The following GRM5 variants were observed in gnomAD, a reference collection of about 807,000 sequenced individuals.
GRM5 encodes glutamate metabotropic receptor 5, also known as metabotropic glutamate receptor 5.
Under a neutral mutation model 83.1 loss-of-function variants are expected in GRM5, and 19 were observed. That is an observed-to-expected ratio of 0.23 (90% CI 0.16 to 0.34). The LOEUF is 0.34. GRM5 is among the 10% of genes least tolerant of loss of function. The probability of loss-of-function intolerance (pLI) is 1.00; values close to 1 mark genes in which losing one functional copy is unlikely to be tolerated. For missense variants in GRM5, 1,160 were observed against 1,588.3 expected (o/e 0.73, Z 4.58); for synonymous variants, 675 against 633.6 (o/e 1.07, Z -0.98).
At chr11:88,963,656 C>CT (rs985429472) in intron 2 of GRM5, among the ~76,000 whole-genome samples, 1 of 152,136 alleles carries the variant, frequency 6.6e-6, no homozygotes, top group African/African-American at 2.4e-5. Context: ...TTGGCTTTTA[C>CT]TTTTTTTATC....
chr11:88,805,101 AGAC>A lies in GRM5; in HGVS notation c.911+44802_911+44804del, dbSNP rs1407136698. On this transcript the variant is annotated intron_variant, in intron 3 of 9. Transcript: ENST00000305447. ...GCAACCCTAGCAGGCAGTTTGTTAA[AGAC>A]CTGGAGCCAGAGTTTCTGTTGTATC... is the stretch of plus-strand genomic sequence containing the variant. Among the ~76,000 whole-genome samples, 6 of 152,324 alleles carry A rather than the reference AGAC, an allele frequency of 3.9e-5. No homozygotes were observed. In the South Asian group the frequency reaches 1.2e-3, roughly 32 times the overall value.
chr11:88,852,136 T>C (rs1466979107), intron 2 of GRM5, among the ~76,000 whole-genome samples: 1 of 152,192 alleles, frequency 6.6e-6, no homozygotes, highest in Non-Finnish European at 1.5e-5. Context: ...TTTACTTTTA[T>C]TCTCAATACA....
intron 2 of GRM5, among the ~76,000 whole-genome samples, chr11:88,860,441 G>A (rs911298856): frequency 1.3e-5 from 2 of 152,156 alleles, no homozygotes; most frequent in African/African-American, 4.8e-5. Context: ...GGGTGGATCG[G>A]TGAGTTATTT....
At chr11:88,811,000 A>C (rs574966553) in intron 3 of GRM5, among the ~76,000 whole-genome samples, 1 of 152,300 alleles carries the variant, frequency 6.6e-6, no homozygotes, top group African/African-American at 2.4e-5. Flanking sequence ...GAGAAAAAGT[A>C]TAAAGATTCT....
chr11:88,690,434 G>C (rs1037978351), intron 3 of GRM5, among the ~76,000 whole-genome samples: 2 of 151,962 alleles, frequency 1.3e-5, no homozygotes, highest in African/African-American at 2.4e-5. Context: ...CATTAAAATA[G>C]GATATTATGC....
At chr11:88,529,960 G>T (rs183397808) in intron 8 of GRM5, among the ~76,000 whole-genome samples, 10 of 152,094 alleles carry the variant, frequency 6.6e-5, no homozygotes, top group Admixed American at 3.9e-4. Flanking sequence ...TGAGATGCTG[G>T]TGGGACATCC....
chr11:88,552,489 C>A (rs1942530773), intron 8 of GRM5, among the ~76,000 whole-genome samples: 1 of 152,172 alleles, frequency 6.6e-6, no homozygotes, highest in African/African-American at 2.4e-5. Context: ...GTCTCTGCTG[C>A]TTACATTGAG....
intron 3 of GRM5, among the ~76,000 whole-genome samples, chr11:88,701,945 T>C (rs1236929548): frequency 6.6e-6 from 1 of 152,048 alleles, no homozygotes; most frequent in Admixed American, 6.6e-5. Flanking sequence ...AAAAAGAGTG[T>C]CTTTTGTTAG....
chr11:88,599,435 G>A (rs1373785544), intron 5 of GRM5, among the ~76,000 whole-genome samples: 1 of 152,180 alleles, frequency 6.6e-6, no homozygotes, highest in African/African-American at 2.4e-5. Flanking sequence ...AGCTTAAGCT[G>A]TGAAAATAGA....
chr11:88,779,315 T>C (rs991640931), intron 3 of GRM5, among the ~76,000 whole-genome samples: 2 of 152,174 alleles, frequency 1.3e-5, no homozygotes, highest in Admixed American at 1.3e-4. Flanking sequence ...CTTCAATTCT[T>C]CATCTGGCAG....
intron 2 of GRM5, among the ~76,000 whole-genome samples, chr11:89,045,690 G>T (rs1261271159): frequency 1.3e-5 from 2 of 152,104 alleles, no homozygotes; most frequent in Non-Finnish European, 2.9e-5. Context: ...GGGCACAATT[G>T]AATTAGCACT....
At chr11:88,555,765 T>A (rs917013339) in intron 8 of GRM5, among the ~76,000 whole-genome samples, 4 of 152,162 alleles carry the variant, frequency 2.6e-5, no homozygotes, top group African/African-American at 7.2e-5. Context: ...GTTGCTTTTT[T>A]AAATTTTTTG....
At chr11:89,051,852 G>C (rs1400014123) in intron 1 of GRM5, among the ~76,000 whole-genome samples, 1 of 152,180 alleles carries the variant, frequency 6.6e-6, no homozygotes, top group Non-Finnish European at 1.5e-5. Flanking sequence ...ATCTTATAAA[G>C]AAACCTGTAA....
intron 6 of GRM5, among the ~76,000 whole-genome samples, chr11:88,594,927 G>T (rs1937757735): frequency 6.6e-6 from 1 of 152,042 alleles, no homozygotes; most frequent in African/African-American, 2.4e-5. Flanking sequence ...TTTCCTTACG[G>T]CATTGCATAC....
intron 3 of GRM5, among the ~76,000 whole-genome samples, chr11:88,840,312 A>G (rs1429062473): frequency 6.6e-6 from 1 of 152,094 alleles, no homozygotes; most frequent in Non-Finnish European, 1.5e-5. Flanking sequence ...TCTAATGTCA[A>G]TTTGCTTTCT....
chr11:88,587,743 T>C (rs1178797569), intron 7 of GRM5, among the ~76,000 whole-genome samples: 1 of 152,146 alleles, frequency 6.6e-6, no homozygotes, highest in East Asian at 1.9e-4. Context: ...GCAAGGTCAC[T>C]GACAGCAATC....
intron 3 of GRM5, among the ~76,000 whole-genome samples, chr11:88,726,696 C>T (rs1445033726): frequency 6.6e-6 from 1 of 152,164 alleles, no homozygotes; most frequent in African/African-American, 2.4e-5. Context: ...GATCTCTTGG[C>T]AGAAACTCTA....
At position 88,824,278 on chromosome 11, in the gene GRM5, C is replaced by T. The variant is rs376319284; in HGVS notation, c.911+25628G>A. ...TGGACTTCACAGAATTTTCTGGTGG[C>T]GGGGGAGAAGGACTGAGGATATTAG... On this transcript the variant is annotated intron_variant, in intron 3 of 9. Coordinates refer to ENST00000305447, the MANE Select transcript of GRM5 (RefSeq NM_001143831.3). 4.9e-4 allele frequency among the ~76,000 whole-genome samples: 74 copies of T among 152,126 alleles called. 1 individual carries two copies. The highest frequency in any genetic ancestry group is 1.7e-3 in the African/African-American group (69 of 41,490).
At chr11:88,650,171 A>G (rs1211669180) in intron 4 of GRM5, among the ~76,000 whole-genome samples, 1 of 151,958 alleles carries the variant, frequency 6.6e-6, no homozygotes, top group East Asian at 1.9e-4. Flanking sequence ...ATTGATTAAT[A>G]CAAAACAGCA....
Sources: gnomAD v4.1 joint callset for allele counts (sites outside exome capture counted in the v4.1 genomes callset) on GRCh38, gnomAD v4.1.1 for gene constraint, MANE v1.5 for transcripts, NCBI Gene and HGNC (gene_info 2026-07-23, HGNC 2026-07-21) for gene names.